The following TBC1D5 variants were observed in gnomAD, a reference collection of about 807,000 sequenced individuals.
TBC1D5 encodes the protein TBC1 domain family, member 5.
A neutral mutation model predicts 100.3 loss-of-function variants in TBC1D5; 75 were observed. The observed-to-expected ratio is 0.75, with a 90% CI of 0.62 to 0.91. TBC1D5 has a LOEUF of 0.91. Ranked by LOEUF, TBC1D5 falls within the 40% of genes least tolerant of loss-of-function variation. The probability of loss-of-function intolerance (pLI) is 0.00; values close to 1 mark genes in which losing one functional copy is unlikely to be tolerated. For synonymous variants in TBC1D5, 323 were observed against 325.6 expected (o/e 0.99, Z 0.09); for missense variants, 910 against 942.4 (o/e 0.97, Z 0.45).
chr3:17,444,661 A>C (rs1391340968), intron 3 of TBC1D5, among the ~76,000 whole-genome samples: 1 of 152,256 alleles, frequency 6.6e-6, no homozygotes, highest in East Asian at 1.9e-4. Flanking sequence ...AATTGATAAA[A>C]ATTACAAAAC....
intron 13 of TBC1D5, among the ~76,000 whole-genome samples, chr3:17,326,739 C>T (rs1354019989): frequency 6.6e-6 from 1 of 152,162 alleles, no homozygotes; most frequent in Non-Finnish European, 1.5e-5. Flanking sequence ...CTCCTAAAGT[C>T]CTGAGATTGC....
chr3:17,380,246 TAATA>T (rs1265111200), intron 9 of TBC1D5, among the ~76,000 whole-genome samples: 1 of 152,048 alleles, frequency 6.6e-6, no homozygotes, highest in Non-Finnish European at 1.5e-5. Context: ...TATTTCAAAT[TAATA>T]AATAAAGGTG....
chr3:17,464,762 A>G (rs901354927), intron 3 of TBC1D5, among the ~76,000 whole-genome samples: 3 of 152,218 alleles, frequency 2.0e-5, no homozygotes, highest in African/African-American at 7.2e-5. Context: ...ATATTATGTG[A>G]TTCTTTCTGA....
chr3:17,298,770 C>A (rs1326073693), intron 14 of TBC1D5, among the ~76,000 whole-genome samples: 1 of 152,064 alleles, frequency 6.6e-6, no homozygotes, highest in Non-Finnish European at 1.5e-5. Flanking sequence ...GGAAAAAAAG[C>A]CAATCTGAAA....
chr3:17,304,134 T>C (rs1375846043), intron 14 of TBC1D5, among the ~76,000 whole-genome samples: 1 of 152,204 alleles, frequency 6.6e-6, no homozygotes, highest in African/African-American at 2.4e-5. Context: ...CAGCTTTTCA[T>C]TCCTGTTCCA....
intron 3 of TBC1D5, among the ~76,000 whole-genome samples, chr3:17,429,793 C>A (rs1244573791): frequency 6.6e-6 from 1 of 151,764 alleles, no homozygotes; most frequent in African/African-American, 2.4e-5. Flanking sequence ...TAGTAAAGAA[C>A]ACTGGTTCTT....
chr3:17,735,706 C>T (rs995956573), intron 1 of TBC1D5, among the ~76,000 whole-genome samples: 8 of 152,216 alleles, frequency 5.3e-5, no homozygotes, highest in Admixed American at 5.2e-4. Context: ...AATGGCGAGT[C>T]TTTAGCCCGA....
intron 10 of TBC1D5, among the ~76,000 whole-genome samples, chr3:17,375,935 T>C (rs1177006157): frequency 6.6e-6 from 1 of 152,142 alleles, no homozygotes; most frequent in East Asian, 1.9e-4. Context: ...ATTTCCAAAA[T>C]GATTTTCTGA....
intron 2 of TBC1D5, among the ~76,000 whole-genome samples, chr3:17,557,974 G>A (rs1365246561): frequency 2.0e-5 from 3 of 152,102 alleles, no homozygotes; most frequent in Non-Finnish European, 4.4e-5. Flanking sequence ...TTTTCATGAT[G>A]CAAAACCTAT....
chr3:17,291,892 T>G lies in TBC1D5; in HGVS notation c.1245+3A>C. ...TTATGCATACCCTACTGGGGAAGCT[T>G]ACCTTTGGATCTCTAAGGAACAGAG... is the stretch of plus-strand genomic sequence containing the variant. On this transcript the variant is annotated splice_donor_region_variant and intron_variant, in intron 15 of 21. Coordinates refer to ENST00000253692, the Ensembl canonical transcript of TBC1D5. 1 of 1,612,256 alleles carries G rather than the reference T, an allele frequency of 6.2e-7. No homozygotes were observed. The highest frequency in any genetic ancestry group is 1.1e-5 in the South Asian group (1 of 90,724).
At chr3:17,257,006 A>AAG (rs1341134308) in intron 16 of TBC1D5, among the ~76,000 whole-genome samples, 1 of 152,242 alleles carries the variant, frequency 6.6e-6, no homozygotes, top group South Asian at 2.1e-4. Flanking sequence ...CATGAGAATG[A>AAG]AGAGAAGGAG....
chr3:17,628,909 A>G (rs1299351541), intron 1 of TBC1D5, among the ~76,000 whole-genome samples: 5 of 152,228 alleles, frequency 3.3e-5, no homozygotes, highest in Admixed American at 1.3e-4. Flanking sequence ...GTGATAATAA[A>G]TATGTGCTGT....
chr3:17,468,317 C>T (rs2095333050), intron 3 of TBC1D5, among the ~76,000 whole-genome samples: 1 of 152,178 alleles, frequency 6.6e-6, no homozygotes, highest in Non-Finnish European at 1.5e-5. Context: ...GCTATTTCCT[C>T]AGTTTGGAAT....
intron 2 of TBC1D5, among the ~76,000 whole-genome samples, chr3:17,620,245 G>A (rs2062541853): frequency 6.6e-6 from 1 of 152,186 alleles, no homozygotes; most frequent in East Asian, 1.9e-4. Context: ...CTCTCAAGTA[G>A]CTGGGATTAC....
At chr3:17,240,650 A>C (rs915502603) in intron 16 of TBC1D5, among the ~76,000 whole-genome samples, 7 of 152,164 alleles carry the variant, frequency 4.6e-5, no homozygotes, top group East Asian at 1.9e-4. Context: ...GCCTGCATAC[A>C]TTCCCATTTC....
chr3:17,669,689 A>C (rs183942578), intron 1 of TBC1D5, among the ~76,000 whole-genome samples: 3 of 152,348 alleles, frequency 2.0e-5, no homozygotes, highest in East Asian at 1.9e-4. Flanking sequence ...TACATGGCAC[A>C]TACTAACCTC....
intron 2 of TBC1D5, among the ~76,000 whole-genome samples, chr3:17,565,028 C>G (rs1268797296): frequency 6.6e-6 from 1 of 152,106 alleles, no homozygotes; most frequent in East Asian, 1.9e-4. Context: ...AACCTCTGTT[C>G]TTTAATGTTT....
rs565549721 is a variant in TBC1D5, at chr3:17,339,569, A to G, written c.996-31435T>C. On this transcript the variant is annotated intron_variant, in intron 13 of 21. Transcript: ENST00000253692. Reference sequence around the variant, plus strand: ...CTTGACCAGTAATAGCTGGTTATCTATATTTCCCCACATATTCCCATGGTC... The same window carrying G: ...CTTGACCAGTAATAGCTGGTTATCTGTATTTCCCCACATATTCCCATGGTC... 3.9e-5 allele frequency among the ~76,000 whole-genome samples: 6 copies of G among 152,348 alleles called. No homozygotes were observed. In the East Asian group the frequency reaches 5.8e-4, roughly 15 times the overall value.
chr3:17,687,804 T>C (rs532169896), intron 1 of TBC1D5, among the ~76,000 whole-genome samples: 18 of 152,192 alleles, frequency 1.2e-4, no homozygotes, highest in Non-Finnish European at 2.4e-4. Context: ...ACTTAGCCCT[T>C]TGGTCACACT....
Sources: allele counts gnomAD v4.1 joint callset (sites outside exome capture counted in the v4.1 genomes callset), GRCh38; gene constraint gnomAD v4.1.1; transcripts MANE v1.5; gene names NCBI Gene and HGNC (gene_info 2026-07-23, HGNC 2026-07-21).